The following RIF1 variants were observed in gnomAD, a reference collection of about 807,000 sequenced individuals.
RIF1 encodes telomere-associated protein RIF1.
RIF1 carries 45 observed loss-of-function variants against 247.1 expected under a neutral mutation model. The ratio of observed to expected loss-of-function variants is 0.18; its 90% CI spans 0.14 to 0.23. The LOEUF (loss-of-function observed/expected upper bound fraction) is 0.23, where lower values mean the gene tolerates loss of function less well. RIF1 is among the 10% of genes least tolerant of loss of function. The probability of loss-of-function intolerance (pLI) is 1.00; values close to 1 mark genes in which losing one functional copy is unlikely to be tolerated. For synonymous variants in RIF1, 1,087 were observed against 978.8 expected (o/e 1.11, Z -2.06); for missense variants, 2,967 against 2,862.5 (o/e 1.04, Z -0.83).
chr2:151,490,236 A>C, intron 9 of RIF1: 1 of 1,237,726 alleles, frequency 8.1e-7, no homozygotes, highest in Non-Finnish European at 1.1e-6. Flanking sequence ...GCAGCCCTCC[A>C]CAATTCTAGT....
In RIF1 at chr2:151,479,024, A is replaced by C. The variant is rs865840758; in HGVS notation, c.*3953A>C. The C allele has an allele frequency of 8.5e-5, 13 of 152,346 alleles. No homozygotes were observed. Among genetic ancestry groups the C allele is most frequent in the Admixed American group, 7.8e-4 (12 of 15,304 alleles). 9.4% of individuals were successfully genotyped at this position (152,346 alleles called of 1,614,324 possible). The stretch of plus-strand genomic sequence containing the variant: ...ATAGTACTCTCAAACTTTGATGTGC[A>C]TATGAACAAGTGGATTCTGATTCAG... On this transcript the variant is annotated 3_prime_UTR_variant, in exon 36 of 36. Coordinates refer to ENST00000444746, the MANE Select transcript of RIF1 (RefSeq NM_018151.5).
chr2:151,513,817 ACTCTTCACCTTCG>A, the RIF1 span: 5 of 694,106 alleles, frequency 7.2e-6, no homozygotes, highest in South Asian at 8.9e-5. Flanking sequence ...GTCGCTTGCT[ACTCTTCACCTTCG>A]CTCTTCCGTG....
At position 151,436,879 on chromosome 2, in the gene RIF1, G is replaced by A. The variant is rs561010329; in HGVS notation, c.1248G>A (p.Ser416=). 108 of 1,612,872 alleles carry A rather than the reference G, an allele frequency of 6.7e-5. 1 individual carries two copies. In the South Asian group the frequency reaches 8.4e-4, roughly 12 times the overall value. Reference sequence around the variant, plus strand: ...GAACTCCCCGAATGAACCTGAGTTCGAATTTAGGTGGAATGGCCACAATCC... The same window carrying A: ...GAACTCCCCGAATGAACCTGAGTTCAAATTTAGGTGGAATGGCCACAATCC... ...APGTPRMNLS[S]NLGGMATIPS... is the part of the protein sequence containing the mutation. The change falls in exon 12 of 36, where the codon TCG becomes TCA. Residue 416 remains serine (S), a synonymous_variant. Transcript: ENST00000444746.
At chr2:151,532,540 G>A in the RIF1 span, among the ~76,000 whole-genome samples, 1 of 152,254 alleles carries the variant, frequency 6.6e-6, no homozygotes, top group African/African-American at 2.4e-5. Context: ...AAGCAGGACA[G>A]ATACAGAGAG....
chr2:151,533,395 C>A, the RIF1 span: 4 of 1,307,828 alleles, frequency 3.1e-6, no homozygotes, highest in Admixed American at 2.0e-5. Context: ...GGGAATGCAT[C>A]CAAGACTTCT....
chr2:151,512,987 A>G, downstream of RIF1: 2 of 640,712 alleles, frequency 3.1e-6, no homozygotes, highest in South Asian at 1.9e-5. Context: ...TTTTGTTCAT[A>G]GTTTTATACC....
chr2:151,489,417 G>C (rs1462661759), intron 9 of RIF1, among the ~76,000 whole-genome samples: 1 of 152,008 alleles, frequency 6.6e-6, no homozygotes, highest in African/African-American at 2.4e-5. Context: ...CTTGATTTTT[G>C]AGACAGGGTC....
Position 151,455,277 on chromosome 2 carries a change from G to C in RIF1, c.2609+118G>C, listed in dbSNP as rs1331803581. 4.5e-6 allele frequency: 3 copies of C among 662,390 alleles called. No individual in the cohort carries two copies. The African/African-American group carries it at 5.6e-5, about 12-fold the overall frequency. 41.0% of individuals were successfully genotyped at this position (662,390 alleles called of 1,614,324 possible). A position where few individuals can be genotyped will look rare whatever the true frequency, so the allele number is the denominator to read the frequency against. On this transcript the variant is annotated intron_variant, in intron 22 of 35. Transcript: ENST00000444746. ...GGTAGTCTTGACAATTTTGTGGAGA[G>C]GATAATAAACTACACTTTTGTTGAA...
intron 10 of RIF1, among the ~76,000 whole-genome samples, chr2:151,433,851 ATAATT>A (rs1232473671): frequency 2.6e-5 from 4 of 152,108 alleles, no homozygotes; most frequent in Non-Finnish European, 5.9e-5. Context: ...CATTTGGAAT[ATAATT>A]GAGAAGAAAA....
intron 35 of RIF1, 21 bp from the exon 36 acceptor site, chr2:151,474,835 TG>T: frequency 7.6e-7 from 1 of 1,313,038 alleles, no homozygotes; most frequent in Non-Finnish European, 1.1e-6. Context: ...GATTTAATTG[TG>T]GTTTTTTTTT....
In RIF1 at chr2:151,435,586, A is replaced by T. The variant is rs777099799; in HGVS notation, c.1195+6A>T. The T allele has an allele frequency of 1.3e-4, 187 of 1,479,488 alleles. No homozygotes were observed. The highest frequency in any genetic ancestry group is 1.7e-4 in the Non-Finnish European group (180 of 1,058,726). The allele number at this position is 1,479,488 out of a possible 1,614,324, so 91.6% of individuals were successfully genotyped here. On this transcript the variant is annotated splice_donor_region_variant and intron_variant, in intron 11 of 35. Coordinates refer to ENST00000444746, the MANE Select transcript of RIF1 (RefSeq NM_018151.5). ...TATGACTCCTGTACACAAAGGTAAG[A>T]GGTAGATATTCTTGTTTTTTGCTTT... is the stretch of plus-strand genomic sequence containing the variant.
At chr2:151,510,917 G>C (rs186931807), downstream of RIF1, among the ~76,000 whole-genome samples, 5 of 152,308 alleles carry the variant, frequency 3.3e-5, no homozygotes, top group African/African-American at 1.2e-4. Context: ...TTCTCCATTG[G>C]AAATCGAGAA....
In RIF1 at chr2:151,478,349, G is replaced by A. The variant is rs1036091009; in HGVS notation, c.*3278G>A. The A allele has an allele frequency of 8.5e-5, 13 of 152,166 alleles. No homozygotes were observed. Among genetic ancestry groups the A allele is most frequent in the African/African-American group, 3.1e-4 (13 of 41,448 alleles). 9.4% of individuals were successfully genotyped at this position (152,166 alleles called of 1,614,324 possible). A position where few individuals can be genotyped will look rare whatever the true frequency, so the allele number is the denominator to read the frequency against. On this transcript the variant is annotated 3_prime_UTR_variant, in exon 36 of 36. Coordinates refer to ENST00000444746, the MANE Select transcript of RIF1 (RefSeq NM_018151.5). Reference sequence around the variant, plus strand: ...AAAAATACAAAAACCAGCCAGGCATGTTGGCGCATACTTGTAATCTCAGCT... The same window carrying A: ...AAAAATACAAAAACCAGCCAGGCATATTGGCGCATACTTGTAATCTCAGCT...
intron 21 of RIF1, among the ~76,000 whole-genome samples, chr2:151,452,514 G>C (rs1016935785): frequency 6.6e-6 from 1 of 151,988 alleles, no homozygotes; most frequent in Non-Finnish European, 1.5e-5. Flanking sequence ...ATCTTTTTTG[G>C]TTTTTGAATT....
At chr2:151,471,636 C>G (rs1257868741) in intron 34 of RIF1, among the ~76,000 whole-genome samples, 2 of 152,126 alleles carry the variant, frequency 1.3e-5, no homozygotes, top group East Asian at 1.9e-4. Flanking sequence ...AATCCTTTCC[C>G]CATTTCTTGT....
downstream of RIF1, among the ~76,000 whole-genome samples, chr2:151,508,904 T>C (rs1393227237): frequency 2.0e-5 from 3 of 152,242 alleles, no homozygotes; most frequent in Non-Finnish European, 4.4e-5. Flanking sequence ...GTTTTTATTC[T>C]CTGCAGCAGA....
rs1696782134 is a variant in RIF1 at position 151,465,715 on chromosome 2, CTTTG to C, written c.6201_6204del (p.Cys2068ThrfsTer5). The C allele has an allele frequency of 2.5e-6, 4 of 1,614,054 alleles. No homozygotes were observed. Among genetic ancestry groups the C allele is most frequent in the African/African-American group, 1.3e-5 (1 of 74,942 alleles). ...ACATGTTGACTGCAGAAATGGACAACTTTGTTTGTGACACAGTTGAAATGAGCAC... is the reference window on the plus strand; with the variant it reads ...ACATGTTGACTGCAGAAATGGACAACTTTGTGACACAGTTGAAATGAGCAC... On this transcript the variant is annotated frameshift_variant, in exon 30 of 36. Coordinates refer to ENST00000444746, the MANE Select transcript of RIF1 (RefSeq NM_018151.5). LOFTEE classifies it high-confidence loss of function.
chr2:151,452,986 A>G (rs2152445622), intron 21 of RIF1, among the ~76,000 whole-genome samples: 1 of 152,352 alleles, frequency 6.6e-6, no homozygotes, highest in South Asian at 2.1e-4. Context: ...AAGAGGAAAC[A>G]ATGTTAAGAC....
At chr2:151,488,789 C>T (rs899131631) in intron 9 of RIF1, among the ~76,000 whole-genome samples, 4 of 152,010 alleles carry the variant, frequency 2.6e-5, no homozygotes, top group South Asian at 4.1e-4. Context: ...AACTGGTTAC[C>T]TCAGATCATA....
Sources: allele counts gnomAD v4.1 joint callset (sites outside exome capture counted in the v4.1 genomes callset), GRCh38; gene constraint gnomAD v4.1.1; transcripts MANE v1.5; gene names NCBI Gene and HGNC (gene_info 2026-07-23, HGNC 2026-07-21).